The following ANK2 variants were observed in gnomAD, a reference collection of about 807,000 sequenced individuals.
ANK2 encodes ankyrin-2.
A neutral mutation model predicts 360.5 loss-of-function variants in ANK2; 83 were observed. The observed-to-expected ratio is 0.23, with a 90% confidence interval of 0.19 to 0.28. The LOEUF (loss-of-function observed/expected upper bound fraction) is 0.28. ANK2 is among the 10% of genes least tolerant of loss of function. The pLI, the probability that ANK2 is intolerant of heterozygous loss-of-function variation, is 1.00. For synonymous variants in ANK2, 1,740 were observed against 1,759.5 expected (o/e 0.99, Z 0.28); for missense variants, 4,201 against 4,795.7 (o/e 0.88, Z 3.66).
chr4:112,811,738 T>G, the ANK2 span, among the ~76,000 whole-genome samples: 1 of 152,308 alleles, frequency 6.6e-6, no homozygotes, highest in East Asian at 1.9e-4. Flanking sequence ...TTTGCTTTCA[T>G]TAACTAAGAT....
chr4:113,378,182 G>T, intron 45 of ANK2: 1 of 1,255,586 alleles, frequency 8.0e-7, no homozygotes, highest in African/African-American at 1.5e-5. Context: ...TAATTAAAAG[G>T]TTTGGGTTAG....
chr4:113,068,911 A>G (rs1035656616), intron 1 of ANK2, among the ~76,000 whole-genome samples: 2 of 152,054 alleles, frequency 1.3e-5, no homozygotes, highest in Admixed American at 1.3e-4. Flanking sequence ...AAAGTTTTCA[A>G]AATTAGCTAG....
intron 1 of ANK2, among the ~76,000 whole-genome samples, chr4:113,114,068 CTA>C (rs2094537095): frequency 6.6e-6 from 1 of 152,174 alleles, no homozygotes; most frequent in South Asian, 2.1e-4. Context: ...AAATCACACA[CTA>C]CGAATGGACT....
the ANK2 span, among the ~76,000 whole-genome samples, chr4:112,707,943 T>G: frequency 2.6e-5 from 4 of 152,226 alleles, no homozygotes; most frequent in Non-Finnish European, 5.9e-5. Flanking sequence ...CTGTTCAGGC[T>G]TTCATTTATA....
chr4:113,199,039 C>T lies in ANK2; in HGVS notation c.314C>T (p.Ser105Phe), dbSNP rs2098792360. The change falls in exon 4 of 46, where the codon TCT becomes TTT. Residue 105 changes from serine (S) to phenylalanine (F), a missense_variant. Coordinates refer to ENST00000357077, the MANE Select transcript of ANK2 (RefSeq NM_001148.6). ...GGAAATACCGCTCTTCACATTGCAT[C>T]TTTGGCTGGACAAGCAGAAGTTGTC... The part of the protein sequence containing the change: ...KKGNTALHIA[S>F]LAGQAEVVKV... The T allele has an allele frequency of 1.9e-6, 3 of 1,613,366 alleles. No homozygotes were observed. The highest frequency in any genetic ancestry group is 2.5e-6 in the Non-Finnish European group (3 of 1,179,500).
intron 7 of ANK2, among the ~76,000 whole-genome samples, chr4:113,239,588 A>C (rs2099409052): frequency 1.3e-5 from 2 of 152,288 alleles, no homozygotes; most frequent in African/African-American, 4.8e-5. Flanking sequence ...TACTTTAATA[A>C]GAAAAGAGTT....
intron 1 of ANK2, among the ~76,000 whole-genome samples, chr4:113,072,337 A>G (rs2077898628): frequency 6.6e-6 from 1 of 152,216 alleles, no homozygotes; most frequent in Non-Finnish European, 1.5e-5. Flanking sequence ...CATCTCCAGC[A>G]TGTAGGGATG....
chr4:113,315,875 T>C (rs377019237), intron 24 of ANK2, among the ~76,000 whole-genome samples: 134 of 119,956 alleles, frequency 1.1e-3, no homozygotes, highest in African/African-American at 2.2e-3. Flanking sequence ...CCAGCCTGGG[T>C]GACAGAGCGA....
chr4:112,923,848 G>T (rs951128030), intron 2 of ANK2, among the ~76,000 whole-genome samples: 4 of 152,118 alleles, frequency 2.6e-5, no homozygotes, highest in Non-Finnish European at 5.9e-5. Context: ...ATTCAAACCA[G>T]AAGGAAATGA....
chr4:112,760,476 C>T, the ANK2 span, among the ~76,000 whole-genome samples: 1 of 151,776 alleles, frequency 6.6e-6, no homozygotes, highest in African/African-American at 2.4e-5. Flanking sequence ...CGTGAGCCCC[C>T]GTGCCCAGCC....
At chr4:113,088,164 C>T (rs1581196770) in intron 1 of ANK2, among the ~76,000 whole-genome samples, 1 of 152,082 alleles carries the variant, frequency 6.6e-6, no homozygotes. Context: ...TCATTAGCAT[C>T]AGAAGTACCA....
intron 5 of ANK2, among the ~76,000 whole-genome samples, chr4:113,236,384 A>G (rs927736041): frequency 2.0e-5 from 3 of 152,286 alleles, no homozygotes; most frequent in Middle Eastern, 3.4e-3. Flanking sequence ...TTTATATCTC[A>G]ATGGTCAAAA....
chr4:113,355,907 C>T lies in ANK2; in HGVS notation c.7289C>T (p.Ala2430Val), dbSNP rs373320489. ...AGCGCTGTGGCTGATGACTCATTAG[C>T]AGTGAGCCACAAAGACTCTCTGGAA... Reference protein sequence around the residue: ...VLSAVADDSLAVSHKDSLEAS... With the variant: ...VLSAVADDSLVVSHKDSLEAS... The change falls in exon 38 of 46, where the codon GCA (alanine) becomes GTA (valine). Residue 2430 changes from alanine to valine, a missense_variant. Transcript: ENST00000357077. 20 of 1,613,964 alleles carry T rather than the reference C, an allele frequency of 1.2e-5. No homozygotes were observed. Among genetic ancestry groups the T allele is most frequent in the Non-Finnish European group, 1.6e-5 (19 of 1,179,996 alleles).
intron 31 of ANK2, among the ~76,000 whole-genome samples, chr4:113,338,735 G>A (rs55944320): frequency 6.6e-6 from 1 of 151,668 alleles, no homozygotes; most frequent in Non-Finnish European, 1.5e-5. Flanking sequence ...ATTTTTAGTA[G>A]AGATGGGGTT....
rs200579638 is a variant in ANK2 at position 113,359,248 on chromosome 4, G to A, written c.10630G>A (p.Glu3544Lys). The A allele has an allele frequency of 3.7e-6, 6 of 1,613,904 alleles. No individual in the cohort carries two copies. In the East Asian group the frequency reaches 1.3e-4, roughly 36 times the overall value. The change falls in exon 38 of 46, where the codon GAG becomes AAG. Residue 3544 changes from glutamate to lysine, a missense_variant. By Grantham distance (56) the Glu-to-Lys change is moderately conservative (BLOSUM62 1). Coordinates refer to ENST00000357077, the MANE Select transcript of ANK2 (RefSeq NM_001148.6). ...DTRPIWDESI[E>K]TLIERIPDEN... Reference sequence around the variant, plus strand: ...AAGGCCCATTTGGGATGAGTCTATTGAGACTCTGATTGAACGCATCCCTGA... The same window carrying A: ...AAGGCCCATTTGGGATGAGTCTATTAAGACTCTGATTGAACGCATCCCTGA...
chr4:113,336,134 T>C (rs973171860), intron 30 of ANK2, 77 bp downstream of exon 30: 1 of 1,448,334 alleles, frequency 6.9e-7, no homozygotes, highest in Non-Finnish European at 9.6e-7. Context: ...TCAAGGACTG[T>C]TACCTTTGTT....
intron 1 of ANK2, among the ~76,000 whole-genome samples, chr4:113,073,069 C>G (rs2078370538): frequency 7.2e-6 from 1 of 139,692 alleles, no homozygotes; most frequent in Non-Finnish European, 1.5e-5. Context: ...TCAAGTGATT[C>G]TCCTGCCTCA....
In ANK2 at chr4:113,233,104, C is replaced by CTTTTTTTTTTTT. The variant is rs1563056547; in HGVS notation, c.483+846_483+847insTTTTTTTTTTTT. ...ACCAGAGTATATGGGCTTGGCTTTTCTGTTTTTTTTTTTTTTTTTTTTTTT... is the reference window on the plus strand; with the variant it reads ...ACCAGAGTATATGGGCTTGGCTTTTCTTTTTTTTTTTTTGTTTTTTTTTTTTTTTTTTTTTTT... On this transcript the variant is annotated intron_variant, in intron 5 of 45. Coordinates refer to ENST00000357077, the MANE Select transcript of ANK2 (RefSeq NM_001148.6). Among the ~76,000 whole-genome samples the CTTTTTTTTTTTT allele has an allele frequency of 1.4e-4, 4 of 29,296 alleles. 2 individuals carry two copies. Among genetic ancestry groups the CTTTTTTTTTTTT allele is most frequent in the South Asian group, 2.6e-3 (2 of 760 alleles). 19.2% of individuals were successfully genotyped at this position (29,296 alleles called of 152,430 possible). A position where few individuals can be genotyped will look rare whatever the true frequency, so the allele number is the denominator to read the frequency against.
chr4:112,858,425 T>C (rs2066988116), intron 1 of ANK2, among the ~76,000 whole-genome samples: 1 of 152,154 alleles, frequency 6.6e-6, no homozygotes, highest in South Asian at 2.1e-4. Flanking sequence ...TTAAATACTT[T>C]TTGATTGATG....
Sources: allele counts gnomAD v4.1 joint callset (sites outside exome capture counted in the v4.1 genomes callset), GRCh38; gene constraint gnomAD v4.1.1; transcripts MANE v1.5; gene names NCBI Gene and HGNC (gene_info 2026-07-23, HGNC 2026-07-21).